MCC: variants seen among roughly 807,000 people sequenced by gnomAD.
The protein encoded by MCC is MCC regulator of Wnt signaling pathway, also known as colorectal mutant cancer protein.
MCC carries 90 observed loss-of-function variants against 116.2 expected under a neutral mutation model. That is an observed-to-expected ratio of 0.77 (90% CI 0.65 to 0.92). The LOEUF (loss-of-function observed/expected upper bound fraction) is 0.92. MCC is among the 40% of genes least tolerant of loss of function. The pLI is 0.00. For missense variants in MCC, 1,516 were observed against 1,312.2 expected (o/e 1.16, Z -2.40); for synonymous variants, 578 against 510.5 (o/e 1.13, Z -1.78).
intron 1 of MCC, among the ~76,000 whole-genome samples, chr5:113,400,265 G>A (rs1769647857): frequency 6.6e-6 from 1 of 151,536 alleles, no homozygotes; most frequent in Non-Finnish European, 1.5e-5. Flanking sequence ...TGGAATTGCA[G>A]GCGCCCGCCA....
intron 1 of MCC, among the ~76,000 whole-genome samples, chr5:113,400,708 A>G (rs1769660158): frequency 1.3e-5 from 2 of 152,216 alleles, no homozygotes; most frequent in African/African-American, 4.8e-5. Context: ...AGGGTCTATC[A>G]GTGCCTTGTA....
chr5:113,236,241 A>T (rs1031206287), intron 3 of MCC, among the ~76,000 whole-genome samples: 2 of 152,228 alleles, frequency 1.3e-5, no homozygotes, highest in Non-Finnish European at 2.9e-5. Flanking sequence ...GCATAAACCA[A>T]TATGCCTGAG....
chr5:113,299,271 C>T (rs562106849), intron 3 of MCC, among the ~76,000 whole-genome samples: 169 of 110,992 alleles, frequency 1.5e-3, no homozygotes, highest in African/African-American at 5.7e-3. Flanking sequence ...CCAGCCTGGG[C>T]AACAGAGTGA....
Position 113,277,059 on chromosome 5 carries a change from C to T in MCC, c.627+63460G>A, listed in dbSNP as rs189734001. On this transcript the variant is annotated intron_variant, in intron 3 of 18. Transcript: ENST00000408903. ...AGAAATCTTTATAACTAAAGACATA[C>T]CGGCCAGGCATGGTGGCTCACACCT... Among the ~76,000 whole-genome samples, 20 of 152,002 alleles carry T rather than the reference C, an allele frequency of 1.3e-4. No homozygotes were observed. In the South Asian group the frequency reaches 3.9e-3, roughly 30 times the overall value.
intron 3 of MCC, among the ~76,000 whole-genome samples, chr5:113,255,468 A>AT (rs1222800090): frequency 6.6e-6 from 1 of 152,108 alleles, no homozygotes; most frequent in Non-Finnish European, 1.5e-5. Flanking sequence ...TCGGTTGCAT[A>AT]TTTTTTTGTT....
At chr5:113,327,830 A>G (rs1166412610) in intron 3 of MCC, among the ~76,000 whole-genome samples, 1 of 151,218 alleles carries the variant, frequency 6.6e-6, no homozygotes, top group Non-Finnish European at 1.5e-5. Context: ...CAAAAAGCAC[A>G]ATTACTTTTG....
intron 1 of MCC, among the ~76,000 whole-genome samples, chr5:113,412,219 T>G (rs1430737285): frequency 6.6e-6 from 1 of 152,176 alleles, no homozygotes; most frequent in Non-Finnish European, 1.5e-5. Flanking sequence ...GCCTCTAGCT[T>G]TGTTCTTTTT....
At chr5:113,408,967 T>C (rs897003441) in intron 1 of MCC, among the ~76,000 whole-genome samples, 2 of 152,188 alleles carry the variant, frequency 1.3e-5, no homozygotes, top group Non-Finnish European at 2.9e-5. Flanking sequence ...AAACAAAAGT[T>C]TGAAACTCAC....
At chr5:113,423,118 T>C (rs1478056780) in intron 1 of MCC, among the ~76,000 whole-genome samples, 1 of 152,218 alleles carries the variant, frequency 6.6e-6, no homozygotes, top group African/African-American at 2.4e-5. Context: ...TCTGCCTTTG[T>C]TCTGGATCTC....
chr5:113,178,395 A>T (rs2150307565), intron 3 of MCC, among the ~76,000 whole-genome samples: 1 of 152,324 alleles, frequency 6.6e-6, no homozygotes, highest in African/African-American at 2.4e-5. Flanking sequence ...TGTTTCCAGT[A>T]GTTGAGGTAC....
At chr5:113,255,410 T>G (rs781310126) in intron 3 of MCC, among the ~76,000 whole-genome samples, 1 of 152,216 alleles carries the variant, frequency 6.6e-6, no homozygotes. Flanking sequence ...TGAGTGCCTG[T>G]AGCAGCCTTT....
At chr5:113,313,246 C>T (rs1348820570) in intron 3 of MCC, among the ~76,000 whole-genome samples, 1 of 152,122 alleles carries the variant, frequency 6.6e-6, no homozygotes, top group East Asian at 1.9e-4. Flanking sequence ...ACTCGGGAGG[C>T]TGAGGCAGGA....
chr5:113,153,666 A>G (rs1254798343), intron 3 of MCC, among the ~76,000 whole-genome samples: 3 of 152,230 alleles, frequency 2.0e-5, no homozygotes, highest in Non-Finnish European at 4.4e-5. Flanking sequence ...GGATGCATGC[A>G]TATTTTCCAC....
In MCC at chr5:113,071,339, G is replaced by T. The variant is rs1754027255; in HGVS notation, c.1785-105C>A. Reference sequence around the variant, plus strand: ...GGCAGAAAAGCATGTGAGGATGTGGGCCTGTCAGATTAGTAGCTGACACAG... The same window carrying T: ...GGCAGAAAAGCATGTGAGGATGTGGTCCTGTCAGATTAGTAGCTGACACAG... On this transcript the variant is annotated intron_variant, in intron 11 of 18. Transcript: ENST00000408903. 3 of 1,217,510 alleles carry T rather than the reference G, an allele frequency of 2.5e-6. No homozygotes were observed. The African/African-American group carries it at 4.5e-5, about 18-fold the overall frequency. The allele number at this position is 1,217,510 out of a possible 1,614,324, so 75.4% of individuals were successfully genotyped here.
chr5:113,373,274 C>T (rs1356946754), intron 2 of MCC, among the ~76,000 whole-genome samples: 2 of 151,740 alleles, frequency 1.3e-5, no homozygotes, highest in East Asian at 3.9e-4. Flanking sequence ...TGAAGGTGTC[C>T]ACAACACAAT....
chr5:113,071,885 A>G (rs1191955165), intron 11 of MCC, among the ~76,000 whole-genome samples: 1 of 152,206 alleles, frequency 6.6e-6, no homozygotes, highest in Non-Finnish European at 1.5e-5. Flanking sequence ...GAAATGGACG[A>G]GGAGCTATGG....
At chr5:113,202,211 G>A (rs1483458608) in intron 3 of MCC, among the ~76,000 whole-genome samples, 1 of 151,170 alleles carries the variant, frequency 6.6e-6, no homozygotes, top group Non-Finnish European at 1.5e-5. Context: ...TTTGCAAAAG[G>A]GGGAAAAAAA....
At chr5:113,357,487 G>A (rs879562720) in intron 2 of MCC, among the ~76,000 whole-genome samples, 1 of 152,146 alleles carries the variant, frequency 6.6e-6, no homozygotes, top group Admixed American at 6.6e-5. Flanking sequence ...GTGACCATCA[G>A]GTGATGGTCA....
intron 3 of MCC, among the ~76,000 whole-genome samples, chr5:113,337,390 C>G (rs1042823580): frequency 6.6e-6 from 1 of 152,178 alleles, no homozygotes; most frequent in Non-Finnish European, 1.5e-5. Context: ...CTTGCCAGCC[C>G]TGGCCTGCAA....
Sources: gnomAD v4.1 joint callset for allele counts (sites outside exome capture counted in the v4.1 genomes callset) on GRCh38, gnomAD v4.1.1 for gene constraint, MANE v1.5 for transcripts, NCBI Gene and HGNC (gene_info 2026-07-23, HGNC 2026-07-21) for gene names.